PARD3: variants seen among roughly 807,000 people sequenced by gnomAD.
PARD3 encodes par-3 family cell polarity regulator, also known as partitioning defective 3 homolog.
PARD3 carries 75 observed loss-of-function variants against 155.4 expected under a neutral mutation model. The observed-to-expected ratio is 0.48, with a 90% CI of 0.40 to 0.58. The LOEUF is 0.58. Among genes scored for constraint, PARD3 ranks in the 20% least tolerant of loss-of-function variants. The pLI is 0.00. For missense variants in PARD3, 1,642 were observed against 1,721.7 expected (o/e 0.95, Z 0.82); for synonymous variants, 576 against 610.5 (o/e 0.94, Z 0.83).
intron 2 of PARD3, among the ~76,000 whole-genome samples, chr10:34,574,194 T>C (rs573556910): frequency 2.1e-4 from 32 of 152,322 alleles, no homozygotes; most frequent in Non-Finnish European, 2.9e-4. Context: ...ATTTACAAAA[T>C]ATTGATTATA....
At chr10:34,243,198 A>G (rs1953718826) in intron 22 of PARD3, among the ~76,000 whole-genome samples, 1 of 152,226 alleles carries the variant, frequency 6.6e-6, no homozygotes, top group Non-Finnish European at 1.5e-5. Flanking sequence ...ACTACTGCCA[A>G]TTAATGTTAC....
In PARD3 at chr10:34,331,360, GA is replaced by G. The variant is rs779118226; in HGVS notation, c.2606-17del. On this transcript the variant is annotated splice_polypyrimidine_tract_variant and intron_variant, in intron 18 of 24. Coordinates refer to ENST00000374788, the MANE Select transcript of PARD3 (RefSeq NM_001184785.2). ...CTGGGAGAACCTGGGAGGTTTACAA[GA>G]AAAAAAATGTTAGTGTGAATTAGTG... The G allele has an allele frequency of 1.5e-5, 24 of 1,552,810 alleles. No individual in the cohort carries two copies. The highest frequency in any genetic ancestry group is 3.5e-5 in the Admixed American group (2 of 57,116).
At chr10:34,507,984 C>T (rs956090238) in intron 3 of PARD3, among the ~76,000 whole-genome samples, 4 of 152,030 alleles carry the variant, frequency 2.6e-5, no homozygotes, top group Non-Finnish European at 5.9e-5. Flanking sequence ...TACTCTGATA[C>T]CAGCAAATGT....
At chr10:34,667,218 CA>C (rs1401787380) in intron 2 of PARD3, among the ~76,000 whole-genome samples, 1 of 152,148 alleles carries the variant, frequency 6.6e-6, no homozygotes, top group Non-Finnish European at 1.5e-5. Context: ...AATCCAAGAA[CA>C]AAATCCAAAC....
intron 2 of PARD3, among the ~76,000 whole-genome samples, chr10:34,530,755 A>T (rs950467071): frequency 6.6e-6 from 1 of 152,136 alleles, no homozygotes; most frequent in African/African-American, 2.4e-5. Flanking sequence ...TTTCATAATA[A>T]TGTTCTATCA....
intron 2 of PARD3, among the ~76,000 whole-genome samples, chr10:34,555,202 G>T (rs926587266): frequency 6.6e-6 from 1 of 152,172 alleles, no homozygotes; most frequent in Non-Finnish European, 1.5e-5. Context: ...AGGAGGCTAT[G>T]CAAGTTTGTG....
rs574156043 is a variant in PARD3 at position 34,568,670 on chromosome 10, C to T, written c.223-51511G>A. Among the ~76,000 whole-genome samples the T allele has an allele frequency of 9.8e-5, 15 of 152,290 alleles. No individual in the cohort carries two copies. In the South Asian group the frequency reaches 1.9e-3, roughly 19 times the overall value. On this transcript the variant is annotated intron_variant, in intron 2 of 24. Coordinates refer to ENST00000374788, the MANE Select transcript of PARD3 (RefSeq NM_001184785.2). ...TGGCGTGACCTCCCCTGTTCTCAGACGCAGCGATTTCCAAGCTAAAGAACA... is the reference window on the plus strand; with the variant it reads ...TGGCGTGACCTCCCCTGTTCTCAGATGCAGCGATTTCCAAGCTAAAGAACA...
chr10:34,546,291 G>C (rs1430174552), intron 2 of PARD3, among the ~76,000 whole-genome samples: 1 of 151,988 alleles, frequency 6.6e-6, no homozygotes, highest in Non-Finnish European at 1.5e-5. Flanking sequence ...GCCGAGGTGG[G>C]TGAATCACAA....
chr10:34,188,919 G>A (rs894781651), intron 22 of PARD3, among the ~76,000 whole-genome samples: 2 of 152,094 alleles, frequency 1.3e-5, no homozygotes, highest in Admixed American at 6.6e-5. Context: ...CTGGTATGAG[G>A]GGCCTCTGCT....
intron 1 of PARD3, among the ~76,000 whole-genome samples, chr10:34,789,747 A>C (rs1393506005): frequency 4.6e-5 from 3 of 65,918 alleles, no homozygotes; most frequent in Non-Finnish European, 5.3e-5. Flanking sequence ...TTATATATAC[A>C]CAAACAAACA....
At chr10:34,648,384 T>C (rs955633110) in intron 2 of PARD3, among the ~76,000 whole-genome samples, 1 of 152,198 alleles carries the variant, frequency 6.6e-6, no homozygotes, top group Non-Finnish European at 1.5e-5. Context: ...GGTGTGCTGC[T>C]TGGAGTCTCT....
chr10:34,623,703 A>G (rs1236560234), intron 2 of PARD3, among the ~76,000 whole-genome samples: 1 of 152,188 alleles, frequency 6.6e-6, no homozygotes. Context: ...GTGCAGGGCC[A>G]GGTGCAGGGG....
chr10:34,660,018 T>C (rs2093280285), intron 2 of PARD3, among the ~76,000 whole-genome samples: 1 of 152,230 alleles, frequency 6.6e-6, no homozygotes, highest in African/African-American at 2.4e-5. Flanking sequence ...TCTCTCAGAA[T>C]TTATTTAACT....
intron 2 of PARD3, among the ~76,000 whole-genome samples, chr10:34,634,042 A>G (rs1432119957): frequency 1.3e-5 from 2 of 152,110 alleles, no homozygotes; most frequent in Admixed American, 6.5e-5. Flanking sequence ...TTCTTATTCA[A>G]AAGGTAATCA....
chr10:34,273,475 TA>T (rs1044469282), intron 21 of PARD3, among the ~76,000 whole-genome samples: 5 of 152,206 alleles, frequency 3.3e-5, no homozygotes, highest in Non-Finnish European at 7.3e-5. Flanking sequence ...TAGTGATGGC[TA>T]GGGGTTAGCT....
chr10:34,733,824 T>A (rs1315698748), intron 1 of PARD3, among the ~76,000 whole-genome samples: 1 of 152,218 alleles, frequency 6.6e-6, no homozygotes, highest in Non-Finnish European at 1.5e-5. Flanking sequence ...TATCAGGTAT[T>A]TGTTCTGGAA....
intron 2 of PARD3, among the ~76,000 whole-genome samples, chr10:34,660,674 G>C (rs551622743): frequency 1.3e-5 from 2 of 152,158 alleles, no homozygotes; most frequent in South Asian, 4.2e-4. Flanking sequence ...TGTGTGAATG[G>C]ACAATTCTCA....
At chr10:34,143,071 C>A (rs983720665) in intron 22 of PARD3, among the ~76,000 whole-genome samples, 1 of 152,146 alleles carries the variant, frequency 6.6e-6, no homozygotes, top group Non-Finnish European at 1.5e-5. Flanking sequence ...CCTGTAATCC[C>A]AGCACTTTGG....
At chr10:34,721,085 C>T (rs2133730732) in intron 1 of PARD3, among the ~76,000 whole-genome samples, 1 of 152,192 alleles carries the variant, frequency 6.6e-6, no homozygotes, top group East Asian at 1.9e-4. Flanking sequence ...AATGGTGACT[C>T]GTTTGTTCTA....
Sources: allele counts gnomAD v4.1 joint callset (sites outside exome capture counted in the v4.1 genomes callset), GRCh38; gene constraint gnomAD v4.1.1; transcripts MANE v1.5; gene names NCBI Gene and HGNC (gene_info 2026-07-23, HGNC 2026-07-21).